The following RAB20 variants were observed in gnomAD, a reference collection of about 807,000 sequenced individuals.
The protein encoded by RAB20 is RAB20, member RAS oncogene family.
In RAB20, 2 loss-of-function variants were observed where a neutral mutation model predicts 3.7. The observed-to-expected ratio is 0.54, with a 90% CI of 0.22 to 1.69. The LOEUF is 1.69. Among genes scored for constraint, RAB20 ranks in the 40% most tolerant of loss-of-function variants. The pLI is 0.19. For missense variants in RAB20, 276 were observed against 311.9 expected (o/e 0.88, Z 0.87); for synonymous variants, 126 against 130.8 (o/e 0.96, Z 0.25).
chr13:110,544,456 T>C (rs1884818022), intron 1 of RAB20, among the ~76,000 whole-genome samples: 1 of 152,236 alleles, frequency 6.6e-6, no homozygotes, highest in Admixed American at 6.5e-5. Flanking sequence ...GGAATTATGA[T>C]AGTGATTGCA....
chr13:110,557,362 T>G (rs761529498), intron 1 of RAB20, among the ~76,000 whole-genome samples: 9 of 152,118 alleles, frequency 5.9e-5, no homozygotes, highest in Non-Finnish European at 8.8e-5. Context: ...AGGGAAGAAT[T>G]GTCGAACAAA....
chr13:110,546,305 C>T (rs535995374), intron 1 of RAB20, among the ~76,000 whole-genome samples: 1 of 152,306 alleles, frequency 6.6e-6, no homozygotes, highest in Admixed American at 6.5e-5. Context: ...CACTGAGACT[C>T]AGAGACAGGA....
At chr13:110,543,857 C>T (rs889021054) in intron 1 of RAB20, among the ~76,000 whole-genome samples, 2 of 150,658 alleles carry the variant, frequency 1.3e-5, no homozygotes, top group Non-Finnish European at 2.9e-5. Context: ...CTCACTGCAA[C>T]CTCTGCCTCC....
rs1885029841 is a variant in RAB20, at chr13:110,555,827, C to T, written c.172+5521G>A. Among the ~76,000 whole-genome samples the T allele has an allele frequency of 6.6e-6, 1 of 152,186 alleles. No homozygotes were observed. The highest frequency in any genetic ancestry group is 2.1e-4 in the South Asian group (1 of 4,832). ...CTTTACCACGGCCACCGCGAGTGCC[C>T]CCAGCCTTCCCTCCTCTCGCCGTGG... On this transcript the variant is annotated intron_variant, in intron 1 of 1. Transcript: ENST00000267328. The surrounding 1 kb of genome is among the most constrained non-coding windows in gnomAD (Gnocchi z 4.0).
chr13:110,530,852 C>T (rs28575062), intron 1 of RAB20, among the ~76,000 whole-genome samples: 20,807 of 152,104 alleles, frequency 0.14, 1,626 homozygotes, highest in African/African-American at 0.22. Context: ...GTTTGTTTCT[C>T]GAATTTACAG....
chr13:110,524,270 G>A (rs1884390653), intron 1 of RAB20, 73 bp from the exon 2 acceptor site: 1 of 1,498,688 alleles, frequency 6.7e-7, no homozygotes, highest in African/African-American at 1.4e-5. Context: ...ACACTGCAAG[G>A]GAACGTCCCA....
chr13:110,553,795 A>T (rs1317579288), intron 1 of RAB20, among the ~76,000 whole-genome samples: 2 of 152,160 alleles, frequency 1.3e-5, no homozygotes, highest in Admixed American at 6.5e-5. Flanking sequence ...CTAAAATAGA[A>T]ACTAATGTAA....
At chr13:110,539,556 GGT>G in intron 1 of RAB20, among the ~76,000 whole-genome samples, 1 of 129,178 alleles carries the variant, frequency 7.7e-6, no homozygotes, top group Non-Finnish European at 1.6e-5. Flanking sequence ...TTTGTTTTTG[GGT>G]TTTTTGTTTT....
At chr13:110,538,597 C>CAAAAAAAAAA (rs67409356) in intron 1 of RAB20, among the ~76,000 whole-genome samples, 5 of 70,538 alleles carry the variant, frequency 7.1e-5, no homozygotes, top group East Asian at 3.8e-4. Context: ...GATCTTCTCT[C>CAAAAAAAAAA]AAAAAAAAAA....
chr13:110,531,221 G>A (rs1211164456), intron 1 of RAB20, among the ~76,000 whole-genome samples: 1 of 152,214 alleles, frequency 6.6e-6, no homozygotes, highest in African/African-American at 2.4e-5. Flanking sequence ...GGCACCCCAG[G>A]GAGTCTGGTC....
chr13:110,547,694 G>T (rs1329409941), intron 1 of RAB20, among the ~76,000 whole-genome samples: 1 of 152,188 alleles, frequency 6.6e-6, no homozygotes, highest in Non-Finnish European at 1.5e-5. Flanking sequence ...CTGCTACGGT[G>T]CCAGAGAGGA....
At chr13:110,529,803 A>G (rs1884498267) in intron 1 of RAB20, among the ~76,000 whole-genome samples, 2 of 152,116 alleles carry the variant, frequency 1.3e-5, no homozygotes, top group Admixed American at 1.3e-4. Context: ...GGCCAAGCAG[A>G]CGGGAGGATG....
At chr13:110,553,433 T>C (rs892485770) in intron 1 of RAB20, among the ~76,000 whole-genome samples, 2 of 152,214 alleles carry the variant, frequency 1.3e-5, no homozygotes, top group African/African-American at 4.8e-5. Flanking sequence ...TAGAGAAGCA[T>C]TGTCTCCTTT....
Position 110,524,049 on chromosome 13 carries a change from G to A in RAB20, c.321C>T (p.Leu107=), listed in dbSNP as rs1174244400. The A allele has an allele frequency of 6.2e-7, 1 of 1,614,116 alleles. No individual in the cohort carries two copies. The highest frequency in any genetic ancestry group is 1.7e-5 in the Admixed American group (1 of 60,026). ...GLTDTASKDC[L]FAIVGNKVDL... is the part of the protein sequence containing the mutation. ...CCACTTTGTTCCCCACGATGGCAAAGAGGCAGTCTTTGCTGGCTGTGTCTG... is the reference window on the plus strand; with the variant it reads ...CCACTTTGTTCCCCACGATGGCAAAAAGGCAGTCTTTGCTGGCTGTGTCTG... The change falls in exon 2 of 2, where the codon CTC becomes CTT. Residue 107 remains leucine (L), a synonymous_variant. Coordinates refer to ENST00000267328, the MANE Select transcript of RAB20 (RefSeq NM_017817.3).
intron 1 of RAB20, among the ~76,000 whole-genome samples, chr13:110,554,471 C>G (rs890344471): frequency 6.6e-6 from 1 of 152,186 alleles, no homozygotes; most frequent in African/African-American, 2.4e-5. Flanking sequence ...CCCTCTCATT[C>G]GGCACCTTCA....
chr13:110,526,323 C>G (rs528783008), intron 1 of RAB20, among the ~76,000 whole-genome samples: 1 of 152,346 alleles, frequency 6.6e-6, no homozygotes, highest in South Asian at 2.1e-4. Flanking sequence ...ATTCCAATCC[C>G]TCGCCTGGGA....
intron 1 of RAB20, among the ~76,000 whole-genome samples, chr13:110,552,548 C>T (rs1370485629): frequency 6.6e-6 from 1 of 151,448 alleles, no homozygotes; most frequent in Non-Finnish European, 1.5e-5. Flanking sequence ...AAAAAATTAG[C>T]TGGGCGCGGT....
chr13:110,548,965 G>C (rs750615002), intron 1 of RAB20, among the ~76,000 whole-genome samples: 2 of 152,184 alleles, frequency 1.3e-5, no homozygotes, highest in Non-Finnish European at 2.9e-5. Flanking sequence ...GTAAGGGCTG[G>C]GTCCCTACAG....
chr13:110,544,388 C>T (rs982679020), intron 1 of RAB20, among the ~76,000 whole-genome samples: 10 of 152,110 alleles, frequency 6.6e-5, no homozygotes, highest in Admixed American at 5.9e-4. Flanking sequence ...TATTTTGGGT[C>T]TTCTGTGGTT....
Sources: gnomAD v4.1 joint callset for allele counts (sites outside exome capture counted in the v4.1 genomes callset) on GRCh38, gnomAD v4.1.1 for gene constraint, Gnocchi (gnomAD v3.1) non-coding constraint, MANE v1.5 for transcripts, NCBI Gene and HGNC (gene_info 2026-07-23, HGNC 2026-07-21) for gene names.